ULK4: variants seen among roughly 807,000 people sequenced by gnomAD.
ULK4 encodes inactive serine/threonine-protein kinase ULK4.
A neutral mutation model predicts 160.6 loss-of-function variants in ULK4; 133 were observed. That is an observed-to-expected ratio of 0.83 (90% CI 0.72 to 0.96). ULK4 has a LOEUF of 0.96. ULK4 is among the 40% of genes least tolerant of loss of function. The pLI, the probability that ULK4 is intolerant of heterozygous loss-of-function variation, is 0.00. For synonymous variants in ULK4, 534 were observed against 539.8 expected, an observed-to-expected ratio of 0.99 and a Z score of 0.15; for missense variants, 1,580 against 1,499.5, an observed-to-expected ratio of 1.05 and a Z score of -0.89.
chr3:41,955,545 G>T, intron 1 of ULK4: 1 of 153,266 alleles, frequency 6.5e-6, no homozygotes, highest in South Asian at 2.0e-4. Flanking sequence ...GTGGGCAACT[G>T]ACCAAGCACA....
intron 35 of ULK4, among the ~76,000 whole-genome samples, chr3:41,293,388 G>A (rs1413612740): frequency 6.6e-6 from 1 of 152,168 alleles, no homozygotes; most frequent in Admixed American, 6.5e-5. Context: ...AGAATGTTAT[G>A]GTAGTGAAGG....
At chr3:41,845,974 G>A (rs1263828053) in intron 17 of ULK4, among the ~76,000 whole-genome samples, 1 of 152,174 alleles carries the variant, frequency 6.6e-6, no homozygotes, top group East Asian at 1.9e-4. Flanking sequence ...AGTATTTTGT[G>A]TCAGCAAGCG....
chr3:41,506,767 A>AAAAAAAAAAAAAAAAAAATATAAATAT, intron 32 of ULK4, among the ~76,000 whole-genome samples: 11 of 56,760 alleles, frequency 1.9e-4, no homozygotes, highest in Non-Finnish European at 2.5e-4. Flanking sequence ...TGTGATTTAA[A>AAAAAAAAAAAAAAAAAAATATAAATAT]ATATATATAT....
rs112306170 is a variant in ULK4 at position 41,506,328 on chromosome 3, G to C, written c.3227-43075C>G. 1.8e-3 allele frequency among the ~76,000 whole-genome samples: 272 copies of C among 152,202 alleles called. 3 individuals are homozygous for C. Among genetic ancestry groups the C allele is most frequent in the African/African-American group, 6.3e-3 (262 of 41,544 alleles). ...TATCTATCTTTCAATCCATCTTTTG[G>C]TCCTGGAGACAGTTATTCAAGTGGT... On this transcript the variant is annotated intron_variant, in intron 32 of 36. Coordinates refer to ENST00000301831, the MANE Select transcript of ULK4 (RefSeq NM_017886.4).
chr3:41,565,779 A>G (rs2087761147), intron 32 of ULK4, among the ~76,000 whole-genome samples: 1 of 152,240 alleles, frequency 6.6e-6, no homozygotes. Context: ...TCTAAATACT[A>G]TGATTACACC....
intron 21 of ULK4, among the ~76,000 whole-genome samples, chr3:41,780,413 A>T (rs1393176905): frequency 6.6e-6 from 1 of 152,068 alleles, no homozygotes; most frequent in East Asian, 1.9e-4. Flanking sequence ...TTTATATTTT[A>T]GGGAGAAAAT....
chr3:41,840,610 G>A (rs966520366), intron 17 of ULK4, among the ~76,000 whole-genome samples: 12 of 152,356 alleles, frequency 7.9e-5, no homozygotes, highest in South Asian at 4.1e-4. Flanking sequence ...TCCTGACCTC[G>A]AGTGGTCTGC....
At chr3:41,539,904 C>G (rs1186691555) in intron 32 of ULK4, among the ~76,000 whole-genome samples, 1 of 152,086 alleles carries the variant, frequency 6.6e-6, no homozygotes, top group Non-Finnish European at 1.5e-5. Context: ...GACTCCTCAT[C>G]CACTATCTCA....
intron 35 of ULK4, among the ~76,000 whole-genome samples, chr3:41,290,611 C>G (rs1050311912): frequency 6.6e-6 from 1 of 152,142 alleles, no homozygotes; most frequent in Non-Finnish European, 1.5e-5. Context: ...CTGGGAGTCC[C>G]CAGTAACTGG....
intron 31 of ULK4, among the ~76,000 whole-genome samples, chr3:41,590,725 A>C (rs1285871077): frequency 1.3e-5 from 2 of 151,868 alleles, no homozygotes; most frequent in South Asian, 2.1e-4. Flanking sequence ...ACAGACAAAA[A>C]GGCCAGTGAA....
At chr3:41,918,567 T>C in intron 6 of ULK4, 27 bp from the exon 7 acceptor site, 1 of 1,214,834 alleles carries the variant, frequency 8.2e-7, no homozygotes. Flanking sequence ...ACTTGCAAAA[T>C]GAAAGAAGTC....
intron 35 of ULK4, among the ~76,000 whole-genome samples, chr3:41,271,518 C>T (rs1481050411): frequency 6.6e-6 from 1 of 151,042 alleles, no homozygotes; most frequent in Non-Finnish European, 1.5e-5. Flanking sequence ...CAGCCTTCCT[C>T]TGAGTAGCTA....
At chr3:41,640,224 T>G (rs143522650) in intron 30 of ULK4, among the ~76,000 whole-genome samples, 1 of 152,186 alleles carries the variant, frequency 6.6e-6, no homozygotes, top group African/African-American at 2.4e-5. Context: ...AAGCTCACTA[T>G]GCACTCATAC....
At chr3:41,853,049 A>G (rs931052944) in intron 17 of ULK4, among the ~76,000 whole-genome samples, 12 of 152,160 alleles carry the variant, frequency 7.9e-5, no homozygotes, top group Admixed American at 7.2e-4. Context: ...AAACTGAAAC[A>G]CTGCCTCTAA....
intron 34 of ULK4, among the ~76,000 whole-genome samples, chr3:41,403,697 T>C (rs2082232445): frequency 6.6e-6 from 1 of 152,214 alleles, no homozygotes; most frequent in South Asian, 2.1e-4. Context: ...ATTTAAAATC[T>C]TTCCCTTTTA....
chr3:41,299,714 A>G (rs1356349591), intron 35 of ULK4, among the ~76,000 whole-genome samples: 2 of 152,224 alleles, frequency 1.3e-5, no homozygotes, highest in Non-Finnish European at 2.9e-5. Flanking sequence ...CCCAGTGAGC[A>G]CACTATTTTT....
At chr3:41,251,113 T>C (rs1054041970) in intron 35 of ULK4, 6 of 152,202 alleles carry the variant, frequency 3.9e-5, no homozygotes, top group African/African-American at 1.4e-4. Context: ...AAGATGACTT[T>C]CATCCACAAG....
chr3:41,663,502 T>A, intron 30 of ULK4, 105 bp downstream of exon 30: 1 of 1,080,030 alleles, frequency 9.3e-7, no homozygotes, highest in South Asian at 1.4e-5. Context: ...TTTTGACAAC[T>A]CAAACATTAG....
chr3:41,628,245 A>G (rs1418842212), intron 30 of ULK4, among the ~76,000 whole-genome samples: 1 of 152,176 alleles, frequency 6.6e-6, no homozygotes, highest in Non-Finnish European at 1.5e-5. Context: ...CTAATGATAA[A>G]AAATTTGAAG....
Sources: gnomAD v4.1 joint callset for allele counts (sites outside exome capture counted in the v4.1 genomes callset) on GRCh38, gnomAD v4.1.1 for gene constraint, MANE v1.5 for transcripts, NCBI Gene and HGNC (gene_info 2026-07-23, HGNC 2026-07-21) for gene names.